CSMD1: variants seen among roughly 807,000 people sequenced by gnomAD.
CSMD1 encodes CUB and Sushi multiple domains 1, also known as CUB and sushi domain-containing protein 1.
Under a neutral mutation model 417.5 loss-of-function variants are expected in CSMD1, and 213 were observed. The ratio of observed to expected loss-of-function variants is 0.51; its 90% CI spans 0.46 to 0.57. CSMD1 has a LOEUF of 0.57. Ranked by LOEUF, CSMD1 falls within the 20% of genes least tolerant of loss-of-function variation. CSMD1 has a pLI of 0.00. For synonymous variants in CSMD1, 2,862 were observed against 1,736.8 expected, an observed-to-expected ratio of 1.65 and a Z score of -16.11; for missense variants, 6,923 against 4,529.7, an observed-to-expected ratio of 1.53 and a Z score of -15.17.
intron 6 of CSMD1, among the ~76,000 whole-genome samples, chr8:3,711,288 C>A (rs1043155148): frequency 1.3e-5 from 2 of 152,102 alleles, no homozygotes; most frequent in African/African-American, 4.8e-5. Context: ...ATGAATAGAC[C>A]ACAGGGATCC....
intron 1 of CSMD1, among the ~76,000 whole-genome samples, chr8:4,972,305 T>C (rs2117387684): frequency 6.6e-6 from 1 of 152,236 alleles, no homozygotes; most frequent in East Asian, 1.9e-4. Context: ...TCTTGAATTG[T>C]AATCCCCTAC....
intron 5 of CSMD1, among the ~76,000 whole-genome samples, chr8:3,882,645 G>A (rs182011822): frequency 1.3e-5 from 2 of 152,214 alleles, no homozygotes; most frequent in Admixed American, 6.5e-5. Flanking sequence ...TGCCCTCAGG[G>A]ATATAAATAA....
At chr8:4,821,098 G>C (rs1308730926) in intron 1 of CSMD1, among the ~76,000 whole-genome samples, 1 of 152,140 alleles carries the variant, frequency 6.6e-6, no homozygotes, top group African/African-American at 2.4e-5. Flanking sequence ...AAAGATACCA[G>C]ATTGATACTT....
intron 13 of CSMD1, among the ~76,000 whole-genome samples, chr8:3,408,454 AG>A (rs2116907622): frequency 6.6e-6 from 1 of 151,468 alleles, no homozygotes; most frequent in Admixed American, 6.6e-5. Flanking sequence ...TACATAATCA[AG>A]CACAAGCGTG....
At chr8:4,093,009 G>T (rs1437815676) in intron 3 of CSMD1, among the ~76,000 whole-genome samples, 1 of 152,094 alleles carries the variant, frequency 6.6e-6, no homozygotes, top group South Asian at 2.1e-4. Context: ...AAAGACCACT[G>T]AGGAATGCTG....
At chr8:3,926,992 G>C (rs573292452) in intron 5 of CSMD1, among the ~76,000 whole-genome samples, 1 of 151,858 alleles carries the variant, frequency 6.6e-6, no homozygotes, top group Non-Finnish European at 1.5e-5. Context: ...AGGATTACAG[G>C]CGTGAGCCAC....
At chr8:3,337,737 C>G (rs143657907) in intron 23 of CSMD1, among the ~76,000 whole-genome samples, 1 of 152,122 alleles carries the variant, frequency 6.6e-6, no homozygotes, top group Admixed American at 6.6e-5. Context: ...CACACATTCA[C>G]CTGGAATCGG....
intron 15 of CSMD1, among the ~76,000 whole-genome samples, chr8:3,401,911 T>C (rs1585110089): frequency 6.6e-6 from 1 of 151,394 alleles, no homozygotes; most frequent in South Asian, 2.1e-4. Context: ...AAAAAGCAAA[T>C]ATACCAATGA....
At chr8:3,101,069 T>C (rs1815700756) in intron 46 of CSMD1, among the ~76,000 whole-genome samples, 1 of 151,732 alleles carries the variant, frequency 6.6e-6, no homozygotes, top group Non-Finnish European at 1.5e-5. Flanking sequence ...TTTTTTTTTT[T>C]TTCTAAAGAA....
chr8:3,683,138 T>C (rs1368328256), intron 7 of CSMD1, among the ~76,000 whole-genome samples: 1 of 152,066 alleles, frequency 6.6e-6, no homozygotes, highest in Non-Finnish European at 1.5e-5. Context: ...ATGGCACATG[T>C]ATACATATGT....
chr8:4,894,369 A>G (rs755667512), intron 1 of CSMD1, among the ~76,000 whole-genome samples: 3 of 152,054 alleles, frequency 2.0e-5, no homozygotes, highest in African/African-American at 4.8e-5. Flanking sequence ...AAACACTTAG[A>G]TAATTTACTT....
chr8:4,314,205 C>T (rs986192657), intron 3 of CSMD1, among the ~76,000 whole-genome samples: 1 of 151,904 alleles, frequency 6.6e-6, no homozygotes, highest in Non-Finnish European at 1.5e-5. Context: ...ATTTTCAAGA[C>T]TGCAGTCACG....
chr8:3,918,469 C>T (rs1187139646), intron 5 of CSMD1, among the ~76,000 whole-genome samples: 2 of 151,990 alleles, frequency 1.3e-5, no homozygotes, highest in Non-Finnish European at 2.9e-5. Context: ...TTTTTATATA[C>T]CTGTTGGACG....
rs149214434 is a variant in CSMD1 at position 4,863,089 on chromosome 8, C to T, written c.85+131243G>A. 3.2e-3 allele frequency among the ~76,000 whole-genome samples: 490 copies of T among 151,904 alleles called. 7 individuals are homozygous for T. The highest frequency in any genetic ancestry group is 0.011 in the African/African-American group (466 of 41,362). ...TTCTGGTGAACACTGTTATAGTAGC[C>T]GGAAAGCTCAGTGGCTAGGATCATG... On this transcript the variant is annotated intron_variant, in intron 1 of 69. Coordinates refer to ENST00000635120, the MANE Select transcript of CSMD1 (RefSeq NM_033225.6).
chr8:4,794,354 T>C (rs1256296248), intron 1 of CSMD1, among the ~76,000 whole-genome samples: 2 of 152,214 alleles, frequency 1.3e-5, no homozygotes, highest in Non-Finnish European at 2.9e-5. Context: ...CTATTTCTCA[T>C]ATAGGAGGGA....
At chr8:4,754,025 G>T (rs757261152) in intron 1 of CSMD1, among the ~76,000 whole-genome samples, 1 of 152,112 alleles carries the variant, frequency 6.6e-6, no homozygotes, top group Non-Finnish European at 1.5e-5. Context: ...TCGCTTTGAA[G>T]GTTGTTAACA....
intron 1 of CSMD1, among the ~76,000 whole-genome samples, chr8:4,864,099 T>C (rs574310357): frequency 2.6e-5 from 4 of 152,102 alleles, no homozygotes; most frequent in South Asian, 4.1e-4. Context: ...ACTCAGTCTA[T>C]AAAATTATAG....
At chr8:3,446,770 T>C (rs1815334547) in intron 12 of CSMD1, among the ~76,000 whole-genome samples, 1 of 152,264 alleles carries the variant, frequency 6.6e-6, no homozygotes, top group Non-Finnish European at 1.5e-5. Flanking sequence ...TTCGGAATCC[T>C]GACGTCGATG....
intron 7 of CSMD1, among the ~76,000 whole-genome samples, chr8:3,627,359 G>A (rs1478115317): frequency 6.6e-6 from 1 of 152,128 alleles, no homozygotes; most frequent in Non-Finnish European, 1.5e-5. Context: ...CAATTTCACA[G>A]ATCATGAATT....
Sources: allele counts gnomAD v4.1 joint callset (sites outside exome capture counted in the v4.1 genomes callset), GRCh38; gene constraint gnomAD v4.1.1; transcripts MANE v1.5; gene names NCBI Gene and HGNC (gene_info 2026-07-23, HGNC 2026-07-21).